ALDH3B1: variants seen among roughly 807,000 people sequenced by gnomAD.
ALDH3B1 encodes aldehyde dehydrogenase family 3 member B1.
In ALDH3B1, 37 loss-of-function variants were observed where a neutral mutation model predicts 46.2. The ratio of observed to expected loss-of-function variants is 0.80; its 90% CI spans 0.62 to 1.05. The LOEUF (loss-of-function observed/expected upper bound fraction) is 1.05, where lower values mean the gene tolerates loss of function less well. Ranked by LOEUF, ALDH3B1 falls within the 50% of genes least tolerant of loss-of-function variation. ALDH3B1 has a pLI of 0.00. For synonymous variants in ALDH3B1, 283 were observed against 281.0 expected (o/e 1.01, Z -0.07); for missense variants, 603 against 665.5 (o/e 0.91, Z 1.03).
intron 1 of ALDH3B1, chr11:68,014,822 C>T (rs1857306221): frequency 1.3e-5 from 2 of 154,986 alleles, no homozygotes; most frequent in African/African-American, 4.8e-5. Context: ...GTGAGTCACC[C>T]CCTCTACTCA....
At chr11:68,021,408 G>A in intron 6 of ALDH3B1, 77 bp from the exon 7 acceptor site, 3 of 1,542,998 alleles carry the variant, frequency 1.9e-6, no homozygotes, top group Non-Finnish European at 2.6e-6. Flanking sequence ...TCTCCAGGGA[G>A]GAGCGGGGCC....
At chr11:68,010,779 C>G (rs1040089230) in intron 1 of ALDH3B1, among the ~76,000 whole-genome samples, 1 of 152,234 alleles carries the variant, frequency 6.6e-6, no homozygotes, top group Non-Finnish European at 1.5e-5. Context: ...TCCCTTCCAG[C>G]AACAGCCGTT....
chr11:68,022,648 A>G lies in ALDH3B1; in HGVS notation c.1003A>G (p.Ile335Val), dbSNP rs1857530873. Residue 335 changes from isoleucine (I) to valine (V), a missense_variant, in exon 8 of 10, where the codon ATC (isoleucine) becomes GTC (valine). Physicochemically the swap from Ile to Val is conservative, Grantham distance 29. Coordinates refer to ENST00000342456, the MANE Select transcript of ALDH3B1 (RefSeq NM_000694.4). Reference protein sequence around the residue: ...QEMEPVMQEEIFGPILPIVNV... With the variant: ...QEMEPVMQEEVFGPILPIVNV... ...GATGGAGCCTGTGATGCAGGAGGAGATCTTCGGGCCCATCCTGCCCATCGT... is the reference window on the plus strand; with the variant it reads ...GATGGAGCCTGTGATGCAGGAGGAGGTCTTCGGGCCCATCCTGCCCATCGT... The G allele has an allele frequency of 1.2e-6, 2 of 1,613,938 alleles. No homozygotes were observed. Among genetic ancestry groups the G allele is most frequent in the African/African-American group, 1.3e-5 (1 of 75,006 alleles).
At chr11:68,014,763 A>G (rs867751821) in intron 1 of ALDH3B1, among the ~76,000 whole-genome samples, 1 of 152,274 alleles carries the variant, frequency 6.6e-6, no homozygotes, top group Middle Eastern at 3.4e-3. Flanking sequence ...ACAGAGGAAG[A>G]CGGAGAATTC....
upstream of ALDH3B1, chr11:68,008,694 T>C (rs1268231642): frequency 4.6e-5 from 7 of 152,170 alleles, no homozygotes; most frequent in Non-Finnish European, 8.8e-5. Flanking sequence ...CCCTCCCAGG[T>C]AGGCAGGGAG....
rs779318898 is a variant in ALDH3B1, at chr11:68,019,214, G to A, written c.439G>A (p.Glu147Lys). The A allele has an allele frequency of 6.2e-6, 10 of 1,613,532 alleles. No homozygotes were observed. The Admixed American group carries it at 6.7e-5, about 11-fold the overall frequency. ...LKPSEISKNVEKILAEVLPQY... is the reference protein window; with the variant it reads ...LKPSEISKNVKKILAEVLPQY... The stretch of plus-strand genomic sequence containing the variant: ...GCCATCGGAGATTAGCAAGAACGTC[G>A]AGAAGATCCTGGCCGAGGTGCTGCC... The change falls in exon 5 of 10, where the codon GAG becomes AAG. Residue 147 changes from glutamate to lysine, a missense_variant. Coordinates refer to ENST00000342456, the MANE Select transcript of ALDH3B1 (RefSeq NM_000694.4).
chr11:68,027,888 G>T lies in ALDH3B1; in HGVS notation c.1356G>T (p.Arg452Ser), dbSNP rs1451216669. 6.4e-7 allele frequency: 1 copy of T among 1,562,870 alleles called. No individual in the cohort carries two copies. Among genetic ancestry groups the T allele is most frequent in the Non-Finnish European group, 8.6e-7 (1 of 1,156,784 alleles). ...CGCCGCAATCGCCGCGCCGCCTGAG[G>T]ATGCTGCTGGTGGCCATGGAGGCCC... ...RYPPQSPRRL[R>S]MLLVAMEAQG... Residue 452 changes from arginine to serine, a missense_variant, in exon 10 of 10, where the codon AGG becomes AGT. Coordinates refer to ENST00000342456, the MANE Select transcript of ALDH3B1 (RefSeq NM_000694.4).
intron 6 of ALDH3B1, among the ~76,000 whole-genome samples, chr11:68,020,083 C>G (rs1857454506): frequency 6.6e-6 from 1 of 152,198 alleles, no homozygotes; most frequent in South Asian, 2.1e-4. Flanking sequence ...CTCTTAGACA[C>G]CACCCTACTG....
Position 68,018,870 on chromosome 11 carries a change from C to T in ALDH3B1, c.371C>T (p.Pro124Leu). Reference sequence around the variant, plus strand: ...TATCCGCTGAACCTGACGCTGGTGCCCCTCGTGGGAGCCCTCGCTGCAGGT... The same window carrying T: ...TATCCGCTGAACCTGACGCTGGTGCTCCTCGTGGGAGCCCTCGCTGCAGGT... ...WNYPLNLTLVPLVGALAAGNC... is the reference protein window; with the variant it reads ...WNYPLNLTLVLLVGALAAGNC... Residue 124 changes from proline (P) to leucine (L), a missense_variant, in exon 4 of 10, where the codon CCC (proline) becomes CTC (leucine). Physicochemically the swap from Pro to Leu is moderately conservative, Grantham distance 98. Coordinates refer to ENST00000342456, the MANE Select transcript of ALDH3B1 (RefSeq NM_000694.4). 1 of 1,560,134 alleles carries T rather than the reference C, an allele frequency of 6.4e-7. No individual in the cohort carries two copies. The highest frequency in any genetic ancestry group is 1.2e-5 in the South Asian group (1 of 84,452).
At position 68,018,564 on chromosome 11, in the gene ALDH3B1, G is replaced by A. The variant is rs1220905363; in HGVS notation, c.200G>A (p.Ser67Asn). The change falls in exon 3 of 10, where the codon AGC (serine) becomes AAC (asparagine). Residue 67 changes from serine (S) to asparagine (N), a missense_variant. Ser to Asn is a conservative substitution (Grantham distance 46). Transcript: ENST00000342456. ...FESEVSEVAI[S>N]QGEVTLALRN... ...TCGGAGGTGTCTGAGGTTGCCATCA[G>A]CCAGGGCGAGGTCACCCTGGCCCTC... 1.9e-6 allele frequency: 3 copies of A among 1,581,814 alleles called. No individual in the cohort carries two copies. The highest frequency in any genetic ancestry group is 2.7e-5 in the African/African-American group (2 of 74,124).
Position 68,018,287 on chromosome 11 carries a change from G to T in ALDH3B1, c.163-240G>T, listed in dbSNP as rs75687832. ...GCCACGTCCTAATGGAGCCGTCAGC[G>T]TTCTCACTTTCACATGGAACGACTG... On this transcript the variant is annotated intron_variant, in intron 2 of 9. Transcript: ENST00000342456. The T allele has an allele frequency of 1.5e-5, 8 of 545,668 alleles. No homozygotes were observed. In the East Asian group the frequency reaches 2.5e-4, roughly 17 times the overall value. 33.8% of individuals were successfully genotyped at this position (545,668 alleles called of 1,614,324 possible). A position where few individuals can be genotyped will look rare whatever the true frequency, so the allele number is the denominator to read the frequency against.
In ALDH3B1 at chr11:68,028,016, C is replaced by G; in HGVS notation, c.*77C>G. 6.4e-7 allele frequency: 1 copy of G among 1,550,548 alleles called. No individual in the cohort carries two copies. Among genetic ancestry groups the G allele is most frequent in the Non-Finnish European group, 8.7e-7 (1 of 1,144,558 alleles). On this transcript the variant is annotated 3_prime_UTR_variant, in exon 10 of 10. Transcript: ENST00000342456. Reference sequence around the variant, plus strand: ...CTGGTGGAGACGGGGCCTGGGCTCCCGGGCCCGAGGAGGAAAAGGATTGCC... The same window carrying G: ...CTGGTGGAGACGGGGCCTGGGCTCCGGGGCCCGAGGAGGAAAAGGATTGCC...
At chr11:68,022,246 C>T (rs948930983) in intron 7 of ALDH3B1, among the ~76,000 whole-genome samples, 5 of 152,308 alleles carry the variant, frequency 3.3e-5, no homozygotes, top group Non-Finnish European at 7.4e-5. Flanking sequence ...TCTCCTGGGC[C>T]GTACGGCTCA....
At chr11:68,019,452 G>A (rs1857434617) in intron 5 of ALDH3B1, among the ~76,000 whole-genome samples, 197 bp downstream of exon 5, 1 of 152,226 alleles carries the variant, frequency 6.6e-6, no homozygotes, top group Admixed American at 6.5e-5. Flanking sequence ...GCAGCCTGTT[G>A]CCCAGGGGTT....
At position 68,021,823 on chromosome 11, in the gene ALDH3B1, G is replaced by C. The variant is rs183261043; in HGVS notation, c.901G>C (p.Gly301Arg). The C allele has an allele frequency of 6.2e-7, 1 of 1,613,816 alleles. No individual in the cohort carries two copies. The highest frequency in any genetic ancestry group is 1.3e-5 in the African/African-American group (1 of 74,944). Residue 301 changes from glycine (G) to arginine (R), a missense_variant, in exon 7 of 10, where the codon GGC becomes CGC. Transcript: ENST00000342456. The part of the protein sequence containing the change: ...FQRLRALLGC[G>R]RVAIGGQSDE... ...GCGGCTGCGGGCATTGCTGGGCTGCGGCCGTGTGGCCATTGGGGGCCAGAG... is the reference window on the plus strand; with the variant it reads ...GCGGCTGCGGGCATTGCTGGGCTGCCGCCGTGTGGCCATTGGGGGCCAGAG...
chr11:68,011,347 A>C (rs2134377426), intron 1 of ALDH3B1, among the ~76,000 whole-genome samples: 1 of 152,338 alleles, frequency 6.6e-6, no homozygotes, highest in Non-Finnish European at 1.5e-5. Context: ...GGGGTAAGGC[A>C]GAGGGGACCT....
upstream of ALDH3B1, chr11:68,008,766 G>A (rs564635081): frequency 1.4e-4 from 22 of 152,428 alleles, no homozygotes; most frequent in African/African-American, 4.6e-4. Flanking sequence ...CAGAGGCCCC[G>A]GGGCCGGGAG....
intron 5 of ALDH3B1, 127 bp from the exon 6 acceptor site, chr11:68,019,584 ACCCT>A (rs746418917): frequency 1.9e-4 from 188 of 987,032 alleles, no homozygotes; most frequent in Non-Finnish European, 2.7e-4. Flanking sequence ...CCTCCACCCA[ACCCT>A]CCTAGAGCCC....
At position 68,015,286 on chromosome 11, in the gene ALDH3B1, C is replaced by T. The variant is rs1241289696; in HGVS notation, c.-1-11C>T. 5 of 1,467,236 alleles carry T rather than the reference C, an allele frequency of 3.4e-6. No individual in the cohort carries two copies. The highest frequency in any genetic ancestry group is 4.5e-6 in the Non-Finnish European group (5 of 1,104,490). 90.9% of individuals were successfully genotyped at this position (1,467,236 alleles called of 1,614,324 possible). Reference sequence around the variant, plus strand: ...CCCTGGCCACCCAGTTCATGCCACCCCATCTGGCAGGATGGACCCCCTTGG... The same window carrying T: ...CCCTGGCCACCCAGTTCATGCCACCTCATCTGGCAGGATGGACCCCCTTGG... On this transcript the variant is annotated splice_polypyrimidine_tract_variant and intron_variant, in intron 1 of 9. Coordinates refer to ENST00000342456, the MANE Select transcript of ALDH3B1 (RefSeq NM_000694.4).
Sources: gnomAD v4.1 joint callset for allele counts (sites outside exome capture counted in the v4.1 genomes callset) on GRCh38, gnomAD v4.1.1 for gene constraint, MANE v1.5 for transcripts, NCBI Gene and HGNC (gene_info 2026-07-23, HGNC 2026-07-21) for gene names.